Variants in NAALADL2 observed in about 807,000 individuals in gnomAD.
NAALADL2 encodes the protein inactive N-acetylated-alpha-linked acidic dipeptidase-like protein 2.
In NAALADL2, 76 loss-of-function variants were observed where a neutral mutation model predicts 87.2. The ratio of observed to expected loss-of-function variants is 0.87; its 90% CI spans 0.72 to 1.05. The LOEUF (loss-of-function observed/expected upper bound fraction) is 1.05, where lower values mean the gene tolerates loss of function less well. Among genes scored for constraint, NAALADL2 ranks in the 50% least tolerant of loss-of-function variants. NAALADL2 has a pLI of 0.00. For synonymous variants in NAALADL2, 354 were observed against 331.0 expected (o/e 1.07, Z -0.75); for missense variants, 1,089 against 945.8 (o/e 1.15, Z -1.99).
chr3:175,632,661 G>A, intron 11 of NAALADL2, among the ~76,000 whole-genome samples: 1 of 152,036 alleles, frequency 6.6e-6, no homozygotes, highest in Non-Finnish European at 1.5e-5. Flanking sequence ...TCTATCTTAA[G>A]AAAAGTTGGT....
intron 4 of NAALADL2, among the ~76,000 whole-genome samples, chr3:175,314,560 T>G (rs1758791487): frequency 1.5e-5 from 1 of 67,044 alleles, no homozygotes; most frequent in African/African-American, 6.0e-5. Flanking sequence ...CTTCACATTC[T>G]AACTATATAT....
At chr3:175,701,457 C>A (rs545295513) in intron 11 of NAALADL2, among the ~76,000 whole-genome samples, 67 of 152,082 alleles carry the variant, frequency 4.4e-4, no homozygotes, top group African/African-American at 1.5e-3. Flanking sequence ...CACGATAGAC[C>A]CAGGTCTCTG....
chr3:175,081,916 G>A (rs1717916565), intron 1 of NAALADL2, among the ~76,000 whole-genome samples: 1 of 152,040 alleles, frequency 6.6e-6, no homozygotes, highest in Non-Finnish European at 1.5e-5. Context: ...ATGATGATTG[G>A]GAGCCATTTG....
chr3:174,668,573 C>G (rs1036529947), intron 2 of NAALADL2, among the ~76,000 whole-genome samples: 5 of 152,050 alleles, frequency 3.3e-5, no homozygotes, highest in Non-Finnish European at 4.4e-5. Context: ...CCTCCCCTCT[C>G]CCCCCACCCC....
At chr3:174,920,902 A>G (rs897186949) in intron 1 of NAALADL2, among the ~76,000 whole-genome samples, 3 of 152,132 alleles carry the variant, frequency 2.0e-5, no homozygotes, top group Admixed American at 6.6e-5. Context: ...AGGCCTGAGG[A>G]GAGAGAGAGA....
intron 1 of NAALADL2, among the ~76,000 whole-genome samples, chr3:174,893,421 G>T (rs1441037322): frequency 6.6e-6 from 1 of 152,078 alleles, no homozygotes; most frequent in East Asian, 1.9e-4. Context: ...TGTAGCTGTG[G>T]TGTGTAAACT....
At chr3:175,679,842 C>T (rs934631308) in intron 11 of NAALADL2, among the ~76,000 whole-genome samples, 2 of 151,992 alleles carry the variant, frequency 1.3e-5, no homozygotes, top group African/African-American at 2.4e-5. Context: ...GCAAAAATTT[C>T]TCAGTGAAGA....
intron 4 of NAALADL2, among the ~76,000 whole-genome samples, chr3:175,269,517 T>C (rs1752480937): frequency 2.0e-5 from 3 of 152,186 alleles, no homozygotes. Context: ...GTGACCGCTG[T>C]TGTGTACGGG....
At chr3:175,434,425 G>T (rs1454235219) in intron 5 of NAALADL2, among the ~76,000 whole-genome samples, 1 of 151,946 alleles carries the variant, frequency 6.6e-6, no homozygotes, top group African/African-American at 2.4e-5. Context: ...AAACTGCAAA[G>T]ATCTGAGAAG....
intron 11 of NAALADL2, among the ~76,000 whole-genome samples, chr3:175,716,444 TG>T (rs1168029861): frequency 6.6e-6 from 1 of 151,386 alleles, no homozygotes; most frequent in Non-Finnish European, 1.5e-5. Context: ...ATAAAAATGT[TG>T]GGGGAAGTCG....
At chr3:174,687,208 T>C (rs193059323) in intron 2 of NAALADL2, among the ~76,000 whole-genome samples, 112 of 152,234 alleles carry the variant, frequency 7.4e-4, no homozygotes, top group African/African-American at 2.6e-3. Context: ...GAACCCTCCT[T>C]TCTCGAGCCT....
At chr3:175,433,815 A>T (rs186655182) in intron 5 of NAALADL2, among the ~76,000 whole-genome samples, 1 of 152,132 alleles carries the variant, frequency 6.6e-6, no homozygotes, top group Admixed American at 6.6e-5. Context: ...TATGTAAGAA[A>T]ATTCTCATAT....
rs547436301 is a variant in NAALADL2, at chr3:174,586,333, C to T, written c.-115+35696C>T. On this transcript the variant is annotated intron_variant, in intron 2 of 3. Coordinates refer to the NAALADL2 transcript ENST00000434257. ...TTTAAAAATACGATAAATAAGGCCA[C>T]AATGAATATTCTTACAGGTAATTAT... 1.7e-4 allele frequency among the ~76,000 whole-genome samples: 26 copies of T among 152,252 alleles called. 1 individual carries two copies. Among genetic ancestry groups the T allele is most frequent in the African/African-American group, 6.3e-4 (26 of 41,526 alleles).
intron 3 of NAALADL2, among the ~76,000 whole-genome samples, chr3:174,749,402 T>G (rs763928905): frequency 6.6e-6 from 1 of 152,078 alleles, no homozygotes; most frequent in Non-Finnish European, 1.5e-5. Context: ...ATGATTAGAA[T>G]GCACTTAGTT....
chr3:174,927,789 A>G (rs1407495133), intron 1 of NAALADL2, among the ~76,000 whole-genome samples: 8 of 152,210 alleles, frequency 5.3e-5, no homozygotes, highest in South Asian at 4.1e-4. Flanking sequence ...TAACATCGCA[A>G]TTGAAAGAAC....
chr3:175,432,807 A>G (rs1475143614), intron 5 of NAALADL2, among the ~76,000 whole-genome samples: 2 of 152,112 alleles, frequency 1.3e-5, no homozygotes, highest in Admixed American at 6.6e-5. Flanking sequence ...ATCTTGCTCA[A>G]TGGAGCCGGA....
At chr3:175,593,274 C>A (rs967246264) in intron 10 of NAALADL2, among the ~76,000 whole-genome samples, 3 of 152,064 alleles carry the variant, frequency 2.0e-5, no homozygotes, top group African/African-American at 7.2e-5. Flanking sequence ...CCTTTTAACA[C>A]AAGTATTTTC....
At chr3:174,859,158 G>C (rs574745756), upstream of NAALADL2, 1 of 412,468 alleles carries the variant, frequency 2.4e-6, no homozygotes, top group Admixed American at 4.1e-5. Flanking sequence ...TATCAAAACT[G>C]AAACAAAGCA....
At position 175,809,999 on chromosome 3, in the gene NAALADL2, A is replaced by G. The variant is rs1350904170; in HGVS notation, c.*6796A>G. 6.6e-6 allele frequency: 1 copy of G among 152,058 alleles called. No individual in the cohort carries two copies. Among genetic ancestry groups the G allele is most frequent in the Non-Finnish European group, 1.5e-5 (1 of 67,968 alleles). 9.4% of individuals were successfully genotyped at this position (152,058 alleles called of 1,614,324 possible). Reference sequence around the variant, plus strand: ...TCTCAAGAGGTGTCCCAATTACTAAATTATGTTGAACTGTTGTGGTGTTTA... The same window carrying G: ...TCTCAAGAGGTGTCCCAATTACTAAGTTATGTTGAACTGTTGTGGTGTTTA... On this transcript the variant is annotated 3_prime_UTR_variant, in exon 14 of 14. Coordinates refer to ENST00000454872, the MANE Select transcript of NAALADL2 (RefSeq NM_207015.3).
Sources: gnomAD v4.1 joint callset for allele counts (sites outside exome capture counted in the v4.1 genomes callset) on GRCh38, gnomAD v4.1.1 for gene constraint, MANE v1.5 for transcripts, NCBI Gene and HGNC (gene_info 2026-07-23, HGNC 2026-07-21) for gene names.